Variants in RHOJ observed in about 807,000 individuals in gnomAD.
RHOJ encodes ras homolog family member J, also known as rho-related GTP-binding protein RhoJ.
In RHOJ, 11 loss-of-function variants were observed where a neutral mutation model predicts 23.4. That is an observed-to-expected ratio of 0.47 (90% CI 0.30 to 0.78). The LOEUF (loss-of-function observed/expected upper bound fraction) is 0.78, where lower values mean the gene tolerates loss of function less well. RHOJ is among the 30% of genes least tolerant of loss of function. The probability of loss-of-function intolerance (pLI) is 0.08; values close to 1 mark genes in which losing one functional copy is unlikely to be tolerated. For synonymous variants in RHOJ, 102 were observed against 102.7 expected, an observed-to-expected ratio of 0.99 and a Z score of 0.04; for missense variants, 254 against 273.4, an observed-to-expected ratio of 0.93 and a Z score of 0.50.
rs749537046 is a variant in RHOJ, at chr14:63,269,081, C to G, written c.179-29C>G. On this transcript the variant is annotated intron_variant, in intron 1 of 4. Transcript: ENST00000316754. ...TTGAAGCTTGTGTTTATGGACTCTC[C>G]TCTTCTTTTCTTTTCTCTTCTCCCC... 1.6e-5 allele frequency: 25 copies of G among 1,564,568 alleles called. No homozygotes were observed. In the South Asian group the frequency reaches 2.7e-4, roughly 17 times the overall value.
chr14:63,206,433 C>T (rs1266896585), intron 1 of RHOJ, among the ~76,000 whole-genome samples: 4 of 152,166 alleles, frequency 2.6e-5, no homozygotes, highest in Non-Finnish European at 4.4e-5. Flanking sequence ...TGGGGGTCTG[C>T]GCCTTGAGAA....
At chr14:63,217,503 C>G (rs1325872743) in intron 1 of RHOJ, among the ~76,000 whole-genome samples, 1 of 151,870 alleles carries the variant, frequency 6.6e-6, no homozygotes, top group Non-Finnish European at 1.5e-5. Flanking sequence ...AAAGCTGAAA[C>G]TGGATCTCTT....
At chr14:63,287,004 A>T (rs189009567) in intron 4 of RHOJ, among the ~76,000 whole-genome samples, 4 of 152,328 alleles carry the variant, frequency 2.6e-5, no homozygotes, top group Admixed American at 2.0e-4. Context: ...TCAAATGAGG[A>T]ATACAGAACT....
At chr14:63,281,339 G>A (rs1273432101) in intron 3 of RHOJ, among the ~76,000 whole-genome samples, 1 of 152,086 alleles carries the variant, frequency 6.6e-6, no homozygotes, top group African/African-American at 2.4e-5. Flanking sequence ...GGAGCAGAAA[G>A]TTTTGATATG....
chr14:63,282,130 C>G (rs1255182302), intron 3 of RHOJ, among the ~76,000 whole-genome samples: 1 of 152,084 alleles, frequency 6.6e-6, no homozygotes, highest in Admixed American at 6.6e-5. Flanking sequence ...AAGTCTTTTG[C>G]CTTGAATTCC....
In RHOJ at chr14:63,272,724, G is replaced by A. The variant is rs569673017; in HGVS notation, c.237+3556G>A. Among the ~76,000 whole-genome samples, 3 of 152,274 alleles carry A rather than the reference G, an allele frequency of 2.0e-5. 1 individual carries two copies. Among genetic ancestry groups the A allele is most frequent in the South Asian group, 4.2e-4 (2 of 4,818 alleles). ...CCCTCCGCAATTCAGGCAAGCATGT[G>A]CTAAAGATAGTTTATAATGGGCTGG... On this transcript the variant is annotated intron_variant, in intron 2 of 4. Transcript: ENST00000316754.
intron 1 of RHOJ, among the ~76,000 whole-genome samples, chr14:63,251,025 C>A (rs2139640450): frequency 6.6e-6 from 1 of 152,170 alleles, no homozygotes; most frequent in East Asian, 1.9e-4. Context: ...ACAAGTGAAA[C>A]TCCGTCTCAA....
intron 2 of RHOJ, among the ~76,000 whole-genome samples, chr14:63,279,445 T>C (rs542643366): frequency 1.8e-4 from 28 of 152,390 alleles, no homozygotes; most frequent in African/African-American, 6.5e-4. Flanking sequence ...TGTCTGTTTA[T>C]GTGTTACTAA....
intron 1 of RHOJ, among the ~76,000 whole-genome samples, chr14:63,230,828 C>A (rs1459980001): frequency 8.7e-5 from 12 of 138,420 alleles, no homozygotes; most frequent in East Asian, 2.3e-4. Context: ...TGGAAGTTTA[C>A]AAGGGTACAA....
At chr14:63,208,633 C>A (rs1388706155) in intron 1 of RHOJ, among the ~76,000 whole-genome samples, 1 of 152,152 alleles carries the variant, frequency 6.6e-6, no homozygotes, top group Non-Finnish European at 1.5e-5. Context: ...AAATCTTTCT[C>A]CATCTCCAAT....
At chr14:63,277,874 G>A (rs1285521056) in intron 2 of RHOJ, among the ~76,000 whole-genome samples, 9 of 151,964 alleles carry the variant, frequency 5.9e-5, no homozygotes, top group Admixed American at 5.9e-4. Context: ...CATGGAAGAG[G>A]AGGTTTGTTT....
intron 1 of RHOJ, among the ~76,000 whole-genome samples, chr14:63,225,303 T>A (rs920622237): frequency 4.6e-5 from 7 of 152,026 alleles, no homozygotes; most frequent in Non-Finnish European, 4.4e-5. Context: ...GGGAGAAAAA[T>A]TTTCCCTTGG....
intron 1 of RHOJ, among the ~76,000 whole-genome samples, chr14:63,209,477 C>T (rs183310423): frequency 6.9e-6 from 1 of 144,548 alleles, no homozygotes; most frequent in East Asian, 2.1e-4. Context: ...TTTCCCCAGT[C>T]TCATACTATT....
chr14:63,290,946 A>G lies in RHOJ; in HGVS notation c.567A>G (p.Glu189=). 1.2e-6 allele frequency: 2 copies of G among 1,614,134 alleles called. No homozygotes were observed. Among genetic ancestry groups the G allele is most frequent in the Non-Finnish European group, 1.7e-6 (2 of 1,180,018 alleles). The change falls in exon 5 of 5, where the codon GAA becomes GAG. Residue 189 remains glutamate, a synonymous_variant. Coordinates refer to ENST00000316754, the MANE Select transcript of RHOJ (RefSeq NM_020663.5). ...AAGGTCTCAAAGCGGTTTTTGATGA[A>G]GCAATCCTCACCATTTTCCACCCCA... ...TQKGLKAVFD[E]AILTIFHPKK...
At chr14:63,279,289 A>G (rs1448134695) in intron 2 of RHOJ, among the ~76,000 whole-genome samples, 1 of 152,254 alleles carries the variant, frequency 6.6e-6, no homozygotes, top group African/African-American at 2.4e-5. Context: ...CACATATAGT[A>G]TACACACATA....
Position 63,277,848 on chromosome 14 carries a change from A to G in RHOJ, c.238-3123A>G, listed in dbSNP as rs571652340. Among the ~76,000 whole-genome samples, 8 of 152,222 alleles carry G rather than the reference A, an allele frequency of 5.3e-5. No homozygotes were observed. The South Asian group carries it at 1.7e-3, about 32-fold the overall frequency. On this transcript the variant is annotated intron_variant, in intron 2 of 4. Transcript: ENST00000316754. ...TAAGGGAACACTCCAGAGAGAAAAG[A>G]GAGAAGTGGGGAGACCATGGAAGAG... is the stretch of plus-strand genomic sequence containing the variant.
intron 1 of RHOJ, among the ~76,000 whole-genome samples, chr14:63,265,123 T>G (rs1895343919): frequency 6.6e-6 from 1 of 152,218 alleles, no homozygotes; most frequent in African/African-American, 2.4e-5. Flanking sequence ...CAAAATGGTG[T>G]TTCCTAGGTT....
chr14:63,284,703 G>C (rs1882024645), intron 4 of RHOJ, among the ~76,000 whole-genome samples: 1 of 152,156 alleles, frequency 6.6e-6, no homozygotes, highest in Non-Finnish European at 1.5e-5. Flanking sequence ...AATAATTGTA[G>C]GTGGCTCCTT....
intron 2 of RHOJ, 31 bp downstream of exon 2, chr14:63,269,199 G>T: frequency 6.5e-7 from 1 of 1,545,296 alleles, no homozygotes; most frequent in Non-Finnish European, 8.9e-7. Context: ...TTCATTGGAG[G>T]GCGGTGGTGT....
Sources: allele counts gnomAD v4.1 joint callset (sites outside exome capture counted in the v4.1 genomes callset), GRCh38; gene constraint gnomAD v4.1.1; transcripts MANE v1.5; gene names NCBI Gene and HGNC (gene_info 2026-07-23, HGNC 2026-07-21).